ACSM2B: variants seen among roughly 807,000 people sequenced by gnomAD.
ACSM2B encodes acyl-coenzyme A synthetase ACSM2B, mitochondrial.
Under a neutral mutation model 78.6 loss-of-function variants are expected in ACSM2B, and 58 were observed. That is an observed-to-expected ratio of 0.74 (90% CI 0.60 to 0.92). ACSM2B has a LOEUF of 0.92. Ranked by LOEUF, ACSM2B falls within the 40% of genes least tolerant of loss-of-function variation. ACSM2B has a pLI of 0.00. For synonymous variants in ACSM2B, 257 were observed against 256.8 expected (o/e 1.00, Z -0.01); for missense variants, 688 against 711.2 (o/e 0.97, Z 0.37).
chr16:20,555,462 G>A lies in ACSM2B; in HGVS notation c.403C>T (p.Pro135Ser), dbSNP rs772409041. Residue 135 changes from proline to serine, a missense_variant, in exon 4 of 14, where the codon CCT (proline) becomes TCT (serine). Transcript: ENST00000329697. The part of the protein sequence containing the change: ...GCIRAGLIFM[P>S]GTIQMKSTDI... Reference sequence around the variant, plus strand: ...GTGGATTTCATCTGGATGGTTCCAGGCATAAAGATGAGACCTAAAGAAGCC... The same window carrying A: ...GTGGATTTCATCTGGATGGTTCCAGACATAAAGATGAGACCTAAAGAAGCC... The A allele has an allele frequency of 1.2e-6, 2 of 1,613,054 alleles. No homozygotes were observed. Among genetic ancestry groups the A allele is most frequent in the East Asian group, 2.2e-5 (1 of 44,858 alleles).
rs1267889198 is a variant in ACSM2B at position 20,576,259 on chromosome 16, CT to C, written c.-62del. On this transcript the variant is annotated 5_prime_UTR_variant, in exon 1 of 14. Transcript: ENST00000329697. ...TGGAGAGAGCTTCGTCCACCCTCCT[CT>C]CCAGCCAGCAGCTCCAGAACTCCTA... 1 of 151,832 alleles carries C rather than the reference CT, an allele frequency of 6.6e-6. No homozygotes were observed. The highest frequency in any genetic ancestry group is 1.5e-5 in the Non-Finnish European group (1 of 68,172). The allele number at this position is 151,832 out of a possible 1,614,324, so 9.4% of individuals were successfully genotyped here.
intron 6 of ACSM2B, chr16:20,549,991 G>T: frequency 1.1e-5 from 3 of 272,844 alleles, no homozygotes; most frequent in East Asian, 1.6e-4. Context: ...AGACAGAATA[G>T]GTTTTAATTT....
At chr16:20,570,652 G>C (rs2089493974) in intron 1 of ACSM2B, among the ~76,000 whole-genome samples, 2 of 151,814 alleles carry the variant, frequency 1.3e-5, no homozygotes, top group Admixed American at 1.3e-4. Flanking sequence ...TTCTTTGAAT[G>C]TCTGGTAGAA....
intron 1 of ACSM2B, among the ~76,000 whole-genome samples, chr16:20,566,645 CTATACTATA>C (rs2015861892): frequency 1.7e-4 from 2 of 11,604 alleles, no homozygotes; most frequent in African/African-American, 6.9e-4. Context: ...TATATATATA[CTATACTATA>C]TATATGTATA....
intron 8 of ACSM2B, 67 bp from the exon 9 acceptor site, chr16:20,546,541 A>C: frequency 6.4e-7 from 1 of 1,566,310 alleles, no homozygotes; most frequent in African/African-American, 1.4e-5. Flanking sequence ...AAAAGAAAAA[A>C]TTTCTGCAGA....
In ACSM2B at chr16:20,550,469, T is replaced by C. The variant is rs570347434; in HGVS notation, c.894+1675A>G. 5.3e-4 allele frequency among the ~76,000 whole-genome samples: 81 copies of C among 152,342 alleles called. 1 individual carries two copies. The highest frequency in any genetic ancestry group is 1.7e-3 in the African/African-American group (70 of 41,574). ...CAACCTATATTTTCCTAATGGGCTT[T>C]ATAAGTTTATGTCTGTTTTCATTTT... On this transcript the variant is annotated intron_variant, in intron 6 of 13. Transcript: ENST00000329697.
chr16:20,567,591 ATAT>A (rs1237936113), intron 1 of ACSM2B, among the ~76,000 whole-genome samples: 22 of 134,804 alleles, frequency 1.6e-4, no homozygotes, highest in African/African-American at 5.5e-4. Context: ...ATAAATAATA[ATAT>A]AAGATATATA....
intron 1 of ACSM2B, among the ~76,000 whole-genome samples, chr16:20,567,001 T>C (rs1372742975): frequency 2.2e-5 from 3 of 133,662 alleles, no homozygotes; most frequent in African/African-American, 8.2e-5. Context: ...TATATATATC[T>C]GTGTATACAC....
At chr16:20,566,785 TTTTGAA>T (rs1463172593) in intron 1 of ACSM2B, among the ~76,000 whole-genome samples, 2 of 97,164 alleles carry the variant, frequency 2.1e-5, no homozygotes, top group Non-Finnish European at 3.7e-5. Flanking sequence ...AGATACAATA[TTTTGAA>T]ATATATAATA....
intron 5 of ACSM2B, among the ~76,000 whole-genome samples, 183 bp from the exon 6 acceptor site, chr16:20,552,480 A>C (rs2015345697): frequency 6.6e-6 from 1 of 152,084 alleles, no homozygotes; most frequent in African/African-American, 2.4e-5. Context: ...TTCTGTCCAC[A>C]CATCCTGCAT....
intron 12 of ACSM2B, chr16:20,542,428 A>C (rs566176867): frequency 1.3e-5 from 2 of 155,190 alleles, no homozygotes; most frequent in Non-Finnish European, 2.9e-5. Flanking sequence ...TGCAGATGAC[A>C]TGATTTCACT....
rs746992275 is a variant in ACSM2B, at chr16:20,555,330, T to A, written c.535A>T (p.Ile179Phe). ...TVASECPSLRIKLLVSEKSCD... is the reference protein window; with the variant it reads ...TVASECPSLRFKLLVSEKSCD... ...CTTTTCTCAGACACCAGTAGCTTAA[T>A]TCTCAGAGAAGGACATTCAGATGCC... The change falls in exon 4 of 14, where the codon ATT becomes TTT. Residue 179 changes from isoleucine to phenylalanine, a missense_variant. By Grantham distance (21) the Ile-to-Phe change is conservative (BLOSUM62 0). Coordinates refer to ENST00000329697, the MANE Select transcript of ACSM2B (RefSeq NM_001105069.2). 55 of 1,613,820 alleles carry A rather than the reference T, an allele frequency of 3.4e-5. No homozygotes were observed. Among genetic ancestry groups the A allele is most frequent in the Middle Eastern group, 1.6e-4 (1 of 6,078 alleles).
Position 20,547,707 on chromosome 16 carries a change from T to A in ACSM2B, c.1098+355A>T, listed in dbSNP as rs1452533793. Reference sequence around the variant, plus strand: ...TAAACTTTGGTCTCTGCTAAAATGTTTCCCCATCACAGAGGAACTTTCTGA... The same window carrying A: ...TAAACTTTGGTCTCTGCTAAAATGTATCCCCATCACAGAGGAACTTTCTGA... On this transcript the variant is annotated intron_variant, in intron 8 of 13. Transcript: ENST00000329697. The A allele has an allele frequency of 5.5e-6, 6 of 1,097,090 alleles. No homozygotes were observed. The Admixed American group carries it at 2.8e-4, about 52-fold the overall frequency. The allele number at this position is 1,097,090 out of a possible 1,614,324, so 68.0% of individuals were successfully genotyped here.
intron 1 of ACSM2B, among the ~76,000 whole-genome samples, chr16:20,566,676 C>CTATATATACTATATATAGTAT (rs1435556712): frequency 0.062 from 339 of 5,508 alleles, 38 homozygotes; most frequent in East Asian, 0.21. Context: ...ATAGTATATA[C>CTATATATACTATATATAGTAT]ATATAGTATA....
At position 20,559,498 on chromosome 16, in the gene ACSM2B, T is replaced by C. The variant is rs780916259; in HGVS notation, c.178-51A>G. The C allele has an allele frequency of 3.1e-6, 5 of 1,589,092 alleles. No homozygotes were observed. The East Asian group carries it at 9.0e-5, about 29-fold the overall frequency. On this transcript the variant is annotated intron_variant, in intron 2 of 13. Coordinates refer to ENST00000329697, the MANE Select transcript of ACSM2B (RefSeq NM_001105069.2). The stretch of plus-strand genomic sequence containing the variant: ...TAGGGGGCATTGGTACACAAGCAGG[T>C]AGGATAAATTCCAAGTCTTGGGATT...
rs546423202 is a variant in ACSM2B at position 20,573,120 on chromosome 16, G to T, written c.-9+3087C>A. ...TTGCTGGTGAGCTAGTGTGATTTTTGGGGGGAGGTGTTAAACAGCCTTGTT... is the reference window on the plus strand; with the variant it reads ...TTGCTGGTGAGCTAGTGTGATTTTTTGGGGGAGGTGTTAAACAGCCTTGTT... On this transcript the variant is annotated intron_variant, in intron 1 of 13. Coordinates refer to ENST00000329697, the MANE Select transcript of ACSM2B (RefSeq NM_001105069.2). 5.1e-4 allele frequency among the ~76,000 whole-genome samples: 78 copies of T among 151,514 alleles called. No individual in the cohort carries two copies. The East Asian group carries it at 0.014, about 27-fold the overall frequency.
Position 20,552,252 on chromosome 16 carries a change from G to A in ACSM2B, c.786C>T (p.Asp262=). The change falls in exon 6 of 14, where the codon GAC becomes GAT. Residue 262 remains aspartate, a synonymous_variant. Transcript: ENST00000329697. Reference sequence around the variant, plus strand: ...CCAAGATGTTCAGTATCCAACCTGTGTCTGATATGGTCCACATTATATCAG... The same window carrying A: ...CCAAGATGTTCAGTATCCAACCTGTATCTGATATGGTCCACATTATATCAG... ...QASDIMWTIS[D]TGWILNILGS... 6.2e-7 allele frequency: 1 copy of A among 1,613,776 alleles called. No individual in the cohort carries two copies. Among genetic ancestry groups the A allele is most frequent in the Non-Finnish European group, 8.5e-7 (1 of 1,179,788 alleles).
At chr16:20,548,218 C>T (rs377750115) in intron 7 of ACSM2B, 33 bp from the exon 8 acceptor site, 6 of 1,613,552 alleles carry the variant, frequency 3.7e-6, no homozygotes, top group Middle Eastern at 3.3e-4. Flanking sequence ...TGCCCTCAGC[C>T]TCCCTGGAAC....
chr16:20,550,391 C>A (rs1011399694), intron 6 of ACSM2B, among the ~76,000 whole-genome samples: 1 of 152,124 alleles, frequency 6.6e-6, no homozygotes, highest in African/African-American at 2.4e-5. Flanking sequence ...CAACTACATA[C>A]TCATTTGCTA....
Sources: allele counts gnomAD v4.1 joint callset (sites outside exome capture counted in the v4.1 genomes callset), GRCh38; gene constraint gnomAD v4.1.1; transcripts MANE v1.5; gene names NCBI Gene and HGNC (gene_info 2026-07-23, HGNC 2026-07-21).